The following PCDHA12 variants were observed in gnomAD, a reference collection of about 807,000 sequenced individuals.
PCDHA12 encodes protocadherin alpha-12.
In PCDHA12, 44 loss-of-function variants were observed where a neutral mutation model predicts 60.0. The ratio of observed to expected loss-of-function variants is 0.73; its 90% CI spans 0.58 to 0.94. PCDHA12 has a LOEUF of 0.94. Ranked by LOEUF, PCDHA12 falls within the 40% of genes least tolerant of loss-of-function variation. PCDHA12 has a pLI of 0.00. For missense variants in PCDHA12, 1,276 were observed against 1,239.7 expected (o/e 1.03, Z -0.44); for synonymous variants, 569 against 553.0 (o/e 1.03, Z -0.40).
In PCDHA12 at chr5:140,903,111, A is replaced by G. The variant is rs1002837275; in HGVS notation, c.2367+25272A>G. ...CATTGCTGGATCAAATAATAGCTCT[A>G]CTTCTAAATCTTTAAGAAATCTCCA... On this transcript the variant is annotated intron_variant, in intron 1 of 3. Transcript: ENST00000398631. Among the ~76,000 whole-genome samples, 13 of 152,306 alleles carry G rather than the reference A, an allele frequency of 8.5e-5. No individual in the cohort carries two copies. In the East Asian group the frequency reaches 2.5e-3, roughly 29 times the overall value.
intron 1 of PCDHA12, chr5:140,927,406 G>A (rs782729912): frequency 1.2e-6 from 2 of 1,614,210 alleles, no homozygotes; most frequent in Admixed American, 1.7e-5. Flanking sequence ...CTTTCGCCTG[G>A]ACATGGGATC....
intron 3 of PCDHA12, among the ~76,000 whole-genome samples, chr5:141,000,542 C>T (rs1331109215): frequency 6.7e-6 from 1 of 148,268 alleles, no homozygotes; most frequent in Non-Finnish European, 1.5e-5. Context: ...ATTCTCATGC[C>T]TCAAACTCCC....
chr5:140,965,168 T>C (rs1484687706), intron 1 of PCDHA12, among the ~76,000 whole-genome samples: 1 of 152,180 alleles, frequency 6.6e-6, no homozygotes, highest in Non-Finnish European at 1.5e-5. Context: ...GACGTTTTAG[T>C]GAGTGCTTTT....
intron 1 of PCDHA12, among the ~76,000 whole-genome samples, chr5:140,889,687 T>C (rs1190333599): frequency 1.3e-5 from 2 of 152,198 alleles, no homozygotes; most frequent in African/African-American, 4.8e-5. Context: ...AACCTTTTAG[T>C]ATTATGGGCA....
At chr5:140,966,522 G>A (rs1350046535) in intron 1 of PCDHA12, 2 of 437,040 alleles carry the variant, frequency 4.6e-6, no homozygotes, top group Non-Finnish European at 7.9e-6. Flanking sequence ...GCAGGAAGCC[G>A]AGCCGGGTTG....
chr5:140,975,503 CT>C (rs1189456467), intron 1 of PCDHA12, among the ~76,000 whole-genome samples: 3 of 152,178 alleles, frequency 2.0e-5, no homozygotes, highest in Non-Finnish European at 4.4e-5. Flanking sequence ...TAAAATAGCA[CT>C]ATGCAAAATC....
At position 140,978,454 on chromosome 5, in the gene PCDHA12, C is replaced by T. The variant is rs980177257; in HGVS notation, c.2368-495C>T. Among the ~76,000 whole-genome samples, 5 of 152,314 alleles carry T rather than the reference C, an allele frequency of 3.3e-5. No individual in the cohort carries two copies. The South Asian group carries it at 8.3e-4, about 25-fold the overall frequency. ...TGCTGGTGTTATGACTGGGCACATC[C>T]GCCCTGGGTCAAATATGCTGCAGTC... On this transcript the variant is annotated intron_variant, in intron 1 of 3. Coordinates refer to ENST00000398631, the MANE Select transcript of PCDHA12 (RefSeq NM_018903.4).
intron 1 of PCDHA12, among the ~76,000 whole-genome samples, chr5:140,903,731 T>C (rs1554191096): frequency 6.6e-6 from 1 of 152,238 alleles, no homozygotes; most frequent in South Asian, 2.1e-4. Context: ...CTATTATCAA[T>C]TATTACAGAA....
chr5:140,878,001 T>C (rs2057434893), intron 1 of PCDHA12, 162 bp downstream of exon 1: 6 of 1,018,808 alleles, frequency 5.9e-6, no homozygotes, highest in South Asian at 4.4e-5. Flanking sequence ...TATGTATTTG[T>C]CTAACATTAA....
intron 1 of PCDHA12, chr5:140,967,239 G>A: frequency 1.9e-6 from 3 of 1,613,672 alleles, no homozygotes; most frequent in Non-Finnish European, 2.5e-6. Context: ...CTTCAGGTAA[G>A]CGAATCGGTG....
intron 3 of PCDHA12, among the ~76,000 whole-genome samples, chr5:140,993,020 C>G (rs2097537480): frequency 6.6e-6 from 1 of 152,192 alleles, no homozygotes; most frequent in African/African-American, 2.4e-5. Flanking sequence ...TCCAGCATCC[C>G]CTGTGGGCTC....
chr5:140,954,411 G>A (rs246022), intron 1 of PCDHA12, among the ~76,000 whole-genome samples: 85,294 of 151,642 alleles, frequency 0.56, 24,563 homozygotes, highest in African/African-American at 0.69. Flanking sequence ...ACAGGGTAAA[G>A]GTGTTCCTTT....
chr5:140,995,346 A>G (rs2097678208), intron 3 of PCDHA12, among the ~76,000 whole-genome samples: 2 of 151,964 alleles, frequency 1.3e-5, no homozygotes, highest in South Asian at 4.2e-4. Context: ...GACGGCATGG[A>G]TAGGTCGGAC....
At position 140,882,318 on chromosome 5, in the gene PCDHA12, G is replaced by A. The variant is rs534213144; in HGVS notation, c.2367+4479G>A. On this transcript the variant is annotated intron_variant, in intron 1 of 3. Transcript: ENST00000398631. ...CCAAGACCGCGGCAACTACTGCTCT[G>A]GCTTCTGATCCTCGCAGCCTGGGAG... 5 of 1,614,128 alleles carry A rather than the reference G, an allele frequency of 3.1e-6. No individual in the cohort carries two copies. In the African/African-American group the frequency reaches 6.7e-5, roughly 22 times the overall value.
intron 1 of PCDHA12, among the ~76,000 whole-genome samples, chr5:140,936,916 A>C (rs782442769): frequency 3.0e-4 from 46 of 152,222 alleles, no homozygotes; most frequent in Non-Finnish European, 6.6e-4. Context: ...ATCTGTAGAA[A>C]ATATGGGGTA....
At chr5:140,991,629 T>C (rs1466263798) in intron 3 of PCDHA12, among the ~76,000 whole-genome samples, 5 of 152,208 alleles carry the variant, frequency 3.3e-5, no homozygotes, top group African/African-American at 1.2e-4. Context: ...ATATTTGTAA[T>C]AACAATCTGT....
intron 1 of PCDHA12, among the ~76,000 whole-genome samples, chr5:140,973,724 G>T (rs1272606867): frequency 6.6e-6 from 1 of 152,176 alleles, no homozygotes; most frequent in Non-Finnish European, 1.5e-5. Context: ...CATCACATGG[G>T]CATCTGGTCT....
chr5:140,969,325 A>G (rs1490022353), intron 1 of PCDHA12: 1 of 1,614,000 alleles, frequency 6.2e-7, no homozygotes, highest in Non-Finnish European at 8.5e-7. Context: ...CTGTTTCTCA[A>G]AATGAGGTGA....
intron 3 of PCDHA12, among the ~76,000 whole-genome samples, chr5:141,008,863 C>T (rs902385521): frequency 6.6e-6 from 1 of 152,204 alleles, no homozygotes. Flanking sequence ...CTCTTCCATG[C>T]TGCATCCCAC....
Sources: allele counts gnomAD v4.1 joint callset (sites outside exome capture counted in the v4.1 genomes callset), GRCh38; gene constraint gnomAD v4.1.1; transcripts MANE v1.5; gene names NCBI Gene and HGNC (gene_info 2026-07-23, HGNC 2026-07-21).